MAF: variants seen among roughly 807,000 people sequenced by gnomAD.
The protein encoded by MAF is transcription factor Maf.
Under a neutral mutation model 22.0 loss-of-function variants are expected in MAF, and 10 were observed. The observed-to-expected ratio is 0.45, with a 90% CI of 0.28 to 0.77. The LOEUF (loss-of-function observed/expected upper bound fraction) is 0.77. Among genes scored for constraint, MAF ranks in the 30% least tolerant of loss-of-function variants. The pLI is 0.12. For synonymous variants in MAF, 337 were observed against 255.8 expected (o/e 1.32, Z -3.03); for missense variants, 544 against 548.4 (o/e 0.99, Z 0.08).
the MAF span, among the ~76,000 whole-genome samples, chr16:79,276,911 G>C: frequency 1.3e-5 from 2 of 152,142 alleles, no homozygotes; most frequent in Non-Finnish European, 2.9e-5. Flanking sequence ...CTCTTCCCAT[G>C]TCTGGTGGCG....
At chr16:79,363,078 G>T in the MAF span, among the ~76,000 whole-genome samples, 2 of 152,056 alleles carry the variant, frequency 1.3e-5, no homozygotes, top group Non-Finnish European at 2.9e-5. Flanking sequence ...CCTAAAAGGG[G>T]GGGAACATGC....
chr16:79,384,034 A>G, the MAF span, among the ~76,000 whole-genome samples: 1 of 152,234 alleles, frequency 6.6e-6, no homozygotes, highest in South Asian at 2.1e-4. Context: ...CCAAATCTTC[A>G]GCCAATTTAG....
At chr16:79,301,370 C>G in the MAF span, among the ~76,000 whole-genome samples, 1 of 151,942 alleles carries the variant, frequency 6.6e-6, no homozygotes, top group Non-Finnish European at 1.5e-5. Flanking sequence ...CATGCATGAA[C>G]CGGAAGCTCA....
the MAF span, among the ~76,000 whole-genome samples, chr16:79,353,870 G>A: frequency 6.6e-6 from 1 of 152,150 alleles, no homozygotes; most frequent in East Asian, 1.9e-4. Flanking sequence ...AACACCTAAA[G>A]CCCTCCTTCA....
the MAF span, among the ~76,000 whole-genome samples, chr16:79,240,815 G>T: frequency 6.6e-6 from 1 of 151,976 alleles, no homozygotes; most frequent in African/African-American, 2.4e-5. Context: ...CATCTGGCAG[G>T]TGCCCCTCTG....
At chr16:79,432,155 G>A in the MAF span, among the ~76,000 whole-genome samples, 3 of 152,192 alleles carry the variant, frequency 2.0e-5, no homozygotes, top group East Asian at 1.9e-4. Context: ...CTGATAGTGA[G>A]TGAGTTCTCA....
chr16:79,262,799 C>T, the MAF span, among the ~76,000 whole-genome samples: 1 of 152,152 alleles, frequency 6.6e-6, no homozygotes, highest in Admixed American at 6.6e-5. Context: ...AAATGGGAGA[C>T]ATTCTAGAAA....
chr16:79,586,347 CT>C (rs1206792686), intron 1 of MAF, among the ~76,000 whole-genome samples: 1 of 152,194 alleles, frequency 6.6e-6, no homozygotes, highest in Admixed American at 6.5e-5. Flanking sequence ...CTGTCCGCCC[CT>C]GGGAGAACCA....
chr16:79,241,441 C>A, the MAF span, among the ~76,000 whole-genome samples: 2 of 152,070 alleles, frequency 1.3e-5, no homozygotes, highest in African/African-American at 4.8e-5. Context: ...GAAAGGATAT[C>A]AGATACTGAA....
chr16:79,259,175 C>T, the MAF span, among the ~76,000 whole-genome samples: 23 of 152,298 alleles, frequency 1.5e-4, no homozygotes, highest in South Asian at 6.2e-4. Flanking sequence ...CCGGCTGGCT[C>T]GAATCCTCCG....
chr16:79,226,493 T>A, the MAF span, among the ~76,000 whole-genome samples: 1 of 152,000 alleles, frequency 6.6e-6, no homozygotes, highest in Non-Finnish European at 1.5e-5. Context: ...AACCTGCATG[T>A]TCTGCACATG....
chr16:79,344,095 AT>A, the MAF span, among the ~76,000 whole-genome samples: 1 of 152,218 alleles, frequency 6.6e-6, no homozygotes, highest in African/African-American at 2.4e-5. Flanking sequence ...GATCCAAGGA[AT>A]TTCCTGACAC....
chr16:79,282,572 G>A, the MAF span, among the ~76,000 whole-genome samples: 3 of 152,110 alleles, frequency 2.0e-5, no homozygotes, highest in East Asian at 1.9e-4. Flanking sequence ...CACAGTCACC[G>A]CTTCCCCAAA....
At chr16:79,317,749 G>A in the MAF span, among the ~76,000 whole-genome samples, 12 of 152,266 alleles carry the variant, frequency 7.9e-5, no homozygotes, top group African/African-American at 1.4e-4. Flanking sequence ...CCTGGCTGCC[G>A]ATTTGCTCTG....
chr16:79,300,323 G>C, the MAF span, among the ~76,000 whole-genome samples: 1 of 152,088 alleles, frequency 6.6e-6, no homozygotes, highest in Non-Finnish European at 1.5e-5. Flanking sequence ...TTGGGAGGCC[G>C]AGCCAGGTGG....
At chr16:79,404,260 T>A in the MAF span, among the ~76,000 whole-genome samples, 2 of 148,888 alleles carry the variant, frequency 1.3e-5, no homozygotes, top group Middle Eastern at 3.5e-3. Flanking sequence ...GCCTCCCGGG[T>A]TCAAGCAATT....
chr16:79,575,730 C>T, the MAF span, among the ~76,000 whole-genome samples: 12 of 152,270 alleles, frequency 7.9e-5, no homozygotes, highest in South Asian at 6.2e-4. Flanking sequence ...CAATTTTTCC[C>T]GCTAGCCAGC....
chr16:79,329,999 C>A, the MAF span, among the ~76,000 whole-genome samples: 1 of 152,018 alleles, frequency 6.6e-6, no homozygotes, highest in South Asian at 2.1e-4. Flanking sequence ...AAATGAGCAA[C>A]TAATCAATTG....
the MAF span, among the ~76,000 whole-genome samples, chr16:79,566,755 C>G: frequency 6.6e-5 from 10 of 152,170 alleles, no homozygotes; most frequent in Admixed American, 5.2e-4. Flanking sequence ...CCTAAGGAAC[C>G]TCCAGTTCCC....
Sources: allele counts gnomAD v4.1 joint callset (sites outside exome capture counted in the v4.1 genomes callset), GRCh38; gene constraint gnomAD v4.1.1; transcripts MANE v1.5; gene names NCBI Gene and HGNC (gene_info 2026-07-23, HGNC 2026-07-21).